PIEZO1: variants seen among roughly 807,000 people sequenced by gnomAD.
PIEZO1 encodes the protein piezo type mechanosensitive ion channel component 1 (Er blood group).
In PIEZO1, 296 loss-of-function variants were observed where a neutral mutation model predicts 297.2. That is an observed-to-expected ratio of 1.00 (90% confidence interval 0.91 to 1.10). The LOEUF (loss-of-function observed/expected upper bound fraction) is 1.10, where lower values mean the gene tolerates loss of function less well. Ranked by LOEUF, PIEZO1 falls within the 50% of genes least tolerant of loss-of-function variation. The pLI is 0.00. For synonymous variants in PIEZO1, 2,427 were observed against 1,507.5 expected, an observed-to-expected ratio of 1.61 and a Z score of -14.13; for missense variants, 5,018 against 3,455.5, an observed-to-expected ratio of 1.45 and a Z score of -11.34.
chr16:88,781,222 G>A (rs570454411), intron 1 of PIEZO1, among the ~76,000 whole-genome samples: 66 of 152,194 alleles, frequency 4.3e-4, no homozygotes, highest in Non-Finnish European at 8.7e-4. Flanking sequence ...AGTCAGCACA[G>A]GAGAGACACC....
intron 12 of PIEZO1, among the ~76,000 whole-genome samples, chr16:88,735,654 C>A (rs2142823580): frequency 6.6e-6 from 1 of 152,374 alleles, no homozygotes; most frequent in East Asian, 1.9e-4. Flanking sequence ...AAGATGAGAC[C>A]CACTGGCCTG....
chr16:88,778,645 C>G (rs555011468), intron 1 of PIEZO1, among the ~76,000 whole-genome samples: 21 of 152,340 alleles, frequency 1.4e-4, no homozygotes, highest in Non-Finnish European at 2.6e-4. Context: ...CGGTCAGCGT[C>G]CCCATGGGCC....
intron 21 of PIEZO1, 115 bp downstream of exon 21, chr16:88,732,220 C>G: frequency 2.3e-6 from 2 of 885,552 alleles, no homozygotes; most frequent in Non-Finnish European, 3.5e-6. Context: ...CCCCCACCCT[C>G]TGTGGCCCAG....
At position 88,721,357 on chromosome 16, in the gene PIEZO1, C is replaced by A. The variant is rs1300006720; in HGVS notation, c.5477G>T (p.Gly1826Val). 1.3e-6 allele frequency: 2 copies of A among 1,549,268 alleles called. No homozygotes were observed. Among genetic ancestry groups the A allele is most frequent in the East Asian group, 4.9e-5 (2 of 40,908 alleles). ...EHDKSGEEEQ[G>V]AEEGPGVPAA... ...AGGCACCCCTGGCCCCTCCTCGGCT[C>A]CCTGCTCCTCCTCGCCGCTCTTGTC... is the stretch of plus-strand genomic sequence containing the variant. Residue 1826 changes from glycine to valine, a missense_variant, in exon 39 of 51, where the codon GGA becomes GTA. Coordinates refer to ENST00000301015, the MANE Select transcript of PIEZO1 (RefSeq NM_001142864.4).
intron 44 of PIEZO1, chr16:88,718,146 A>C (rs575927513): frequency 1.6e-5 from 3 of 185,166 alleles, no homozygotes; most frequent in African/African-American, 7.2e-5. Context: ...GGCCAAGCAC[A>C]TGAAAAGACG....
chr16:88,725,703 G>A lies in PIEZO1; in HGVS notation c.3969-19C>T, dbSNP rs1904374896. 7 of 1,353,348 alleles carry A rather than the reference G, an allele frequency of 5.2e-6. No homozygotes were observed. The highest frequency in any genetic ancestry group is 7.2e-6 in the Non-Finnish European group (7 of 967,828). 83.8% of individuals were successfully genotyped at this position (1,353,348 alleles called of 1,614,324 possible). On this transcript the variant is annotated intron_variant, in intron 27 of 50. Coordinates refer to ENST00000301015, the MANE Select transcript of PIEZO1 (RefSeq NM_001142864.4). Reference sequence around the variant, plus strand: ...GAAGCCCCTGTAGGGAGGCGGGGATGGGGTGTGAGCACCAGGCACTCGACC... The same window carrying A: ...GAAGCCCCTGTAGGGAGGCGGGGATAGGGTGTGAGCACCAGGCACTCGACC...
intron 31 of PIEZO1, 137 bp downstream of exon 31, chr16:88,723,734 G>T: frequency 1.6e-6 from 1 of 614,500 alleles, no homozygotes. Flanking sequence ...AGGCCTGGAT[G>T]GGGCGGGGTG....
intron 1 of PIEZO1, among the ~76,000 whole-genome samples, chr16:88,768,573 G>A (rs1907282019): frequency 6.6e-6 from 1 of 152,346 alleles, no homozygotes; most frequent in East Asian, 1.9e-4. Flanking sequence ...GGTCCCGGGT[G>A]GCCCTGACAA....
intron 19 of PIEZO1, 118 bp from the exon 20 acceptor site, chr16:88,732,850 G>A (rs547651734): frequency 5.4e-5 from 58 of 1,066,678 alleles, no homozygotes; most frequent in East Asian, 1.1e-4. Context: ...CCAGGGACAC[G>A]GGGGCTGCCA....
Position 88,721,640 on chromosome 16 carries a change from G to A in PIEZO1, c.5301C>T (p.Pro1767=). Residue 1767 remains proline, a synonymous_variant, in exon 38 of 51, where the codon CCC becomes CCT. Transcript: ENST00000301015. ...HVVLRRYENK[P]YFPPRILGLE... Reference sequence around the variant, plus strand: ...GGCCCAGGATGCGGGGCGGGAAGTAGGGCTTGTTCTCGTAGCGCCGCAGCA... The same window carrying A: ...GGCCCAGGATGCGGGGCGGGAAGTAAGGCTTGTTCTCGTAGCGCCGCAGCA... 1 of 1,550,228 alleles carries A rather than the reference G, an allele frequency of 6.5e-7. No individual in the cohort carries two copies. Among genetic ancestry groups the A allele is most frequent in the Non-Finnish European group, 8.7e-7 (1 of 1,146,892 alleles).
At chr16:88,768,246 A>C (rs896539255) in intron 1 of PIEZO1, among the ~76,000 whole-genome samples, 1 of 152,092 alleles carries the variant, frequency 6.6e-6, no homozygotes, top group African/African-American at 2.4e-5. Context: ...CCCTCCCCCC[A>C]CATCCCAGCT....
At chr16:88,730,030 C>T (rs1034115697) in intron 22 of PIEZO1, among the ~76,000 whole-genome samples, 1 of 152,228 alleles carries the variant, frequency 6.6e-6, no homozygotes, top group East Asian at 1.9e-4. Flanking sequence ...GCCTAGGTGA[C>T]GCTTGATAGC....
chr16:88,730,013 G>T (rs988343357), intron 22 of PIEZO1, among the ~76,000 whole-genome samples: 3 of 152,280 alleles, frequency 2.0e-5, no homozygotes, highest in African/African-American at 7.2e-5. Flanking sequence ...CAGAAGAAGG[G>T]GAGCTGGCCT....
intron 1 of PIEZO1, among the ~76,000 whole-genome samples, chr16:88,781,147 TG>T (rs1285266862): frequency 1.3e-5 from 2 of 152,186 alleles, no homozygotes; most frequent in Admixed American, 6.5e-5. Flanking sequence ...AGCGGGCAGA[TG>T]AGGCCGTCAA....
chr16:88,754,173 T>C (rs928499910), intron 1 of PIEZO1, among the ~76,000 whole-genome samples: 3 of 152,086 alleles, frequency 2.0e-5, no homozygotes, highest in Non-Finnish European at 4.4e-5. Context: ...CCATCACCCA[T>C]CCACAGACCT....
chr16:88,732,663 C>T lies in PIEZO1; in HGVS notation c.2734G>A (p.Asp912Asn), dbSNP rs1263547711. 6.5e-7 allele frequency: 1 copy of T among 1,549,600 alleles called. No individual in the cohort carries two copies. Among genetic ancestry groups the T allele is most frequent in the Non-Finnish European group, 8.7e-7 (1 of 1,146,548 alleles). Residue 912 changes from aspartate to asparagine, a missense_variant, in exon 20 of 51, where the codon GAC becomes AAC. By Grantham distance (23) the Asp-to-Asn change is conservative. Transcript: ENST00000301015. ...SQSLLYRGPV[D>N]PANWFGVRKG... ...CGCACCCCAAACCAGTTGGCAGGGT[C>T]CACGGGCCCCCGGTACAGCAGGGAC...
intron 1 of PIEZO1, among the ~76,000 whole-genome samples, chr16:88,754,590 C>T (rs914757438): frequency 6.6e-6 from 1 of 152,198 alleles, no homozygotes; most frequent in Non-Finnish European, 1.5e-5. Flanking sequence ...CCTGACGAGG[C>T]CTGAAGGACT....
intron 25 of PIEZO1, 36 bp from the exon 26 acceptor site, chr16:88,726,679 C>CAGCGGGGCG: frequency 6.5e-7 from 1 of 1,546,712 alleles, no homozygotes. Flanking sequence ...CCAGCGGGGC[C>CAGCGGGGCG]CCAGGGCGGT....
Position 88,716,895 on chromosome 16 carries a change from G to T in PIEZO1, c.6664C>A (p.Leu2222Met). ...GGCTGCTGGGCGCTCATGGTGAACA[G>T]CGGCTGGGGCAGGCACGGGGACACG... The part of the protein sequence containing the change: ...VTLKLGGYEP[L>M]FTMSAQQPSI... Residue 2222 changes from leucine to methionine, a missense_variant, in exon 46 of 51, where the codon CTG becomes ATG. Physicochemically the swap from Leu to Met is conservative, Grantham distance 15. Transcript: ENST00000301015. 1.3e-6 allele frequency: 2 copies of T among 1,549,746 alleles called. No individual in the cohort carries two copies. The highest frequency in any genetic ancestry group is 1.7e-6 in the Non-Finnish European group (2 of 1,146,918).
Sources: allele counts gnomAD v4.1 joint callset (sites outside exome capture counted in the v4.1 genomes callset), GRCh38; gene constraint gnomAD v4.1.1; transcripts MANE v1.5; gene names NCBI Gene and HGNC (gene_info 2026-07-23, HGNC 2026-07-21).